Variants in IMMP2L observed in about 807,000 individuals in gnomAD.
IMMP2L encodes mitochondrial inner membrane protease subunit 2.
IMMP2L carries 18 observed loss-of-function variants against 19.3 expected under a neutral mutation model. That is an observed-to-expected ratio of 0.93 (90% CI 0.64 to 1.38). IMMP2L has a LOEUF of 1.38. IMMP2L is among the 40% of genes most tolerant of loss of function. The pLI, the probability that IMMP2L is intolerant of heterozygous loss-of-function variation, is 0.00. For synonymous variants in IMMP2L, 76 were observed against 73.0 expected (o/e 1.04, Z -0.21); for missense variants, 233 against 218.2 (o/e 1.07, Z -0.43).
At chr7:111,298,322 T>C (rs1048625604) in intron 3 of IMMP2L, among the ~76,000 whole-genome samples, 2 of 152,182 alleles carry the variant, frequency 1.3e-5, no homozygotes, top group African/African-American at 4.8e-5. Flanking sequence ...TACTTAATCT[T>C]TCTGTGCCAA....
At chr7:110,853,637 CTT>C (rs1019942397) in intron 5 of IMMP2L, among the ~76,000 whole-genome samples, 1 of 151,948 alleles carries the variant, frequency 6.6e-6, no homozygotes, top group Non-Finnish European at 1.5e-5. Flanking sequence ...GATAATGCCT[CTT>C]GTTATTATTT....
chr7:110,909,511 G>A (rs753969068), intron 4 of IMMP2L, among the ~76,000 whole-genome samples: 33 of 152,096 alleles, frequency 2.2e-4, no homozygotes, highest in Non-Finnish European at 3.5e-4. Context: ...GCACGAGAAC[G>A]GTGCTGTGAG....
intron 3 of IMMP2L, among the ~76,000 whole-genome samples, chr7:111,287,689 C>T (rs1359114950): frequency 1.3e-5 from 2 of 152,028 alleles, no homozygotes; most frequent in Non-Finnish European, 1.5e-5. Context: ...CATTCTGATT[C>T]GGGCCCAGAG....
chr7:111,196,361 T>G (rs1418564159), intron 3 of IMMP2L, among the ~76,000 whole-genome samples: 1 of 151,904 alleles, frequency 6.6e-6, no homozygotes, highest in African/African-American at 2.4e-5. Flanking sequence ...AATCAAACGA[T>G]AAAAATCAAA....
chr7:111,046,594 A>G (rs1304004390), intron 3 of IMMP2L, among the ~76,000 whole-genome samples: 1 of 152,198 alleles, frequency 6.6e-6, no homozygotes, highest in Non-Finnish European at 1.5e-5. Flanking sequence ...CAGATTACAG[A>G]AGACTATTAA....
At chr7:110,672,720 G>A (rs769418968) in intron 5 of IMMP2L, among the ~76,000 whole-genome samples, 1 of 152,164 alleles carries the variant, frequency 6.6e-6, no homozygotes, top group East Asian at 1.9e-4. Flanking sequence ...ATCCAGTAGG[G>A]TAGTCATTAA....
At chr7:111,402,470 G>T (rs1276430335) in intron 3 of IMMP2L, among the ~76,000 whole-genome samples, 1 of 152,006 alleles carries the variant, frequency 6.6e-6, no homozygotes, top group Admixed American at 6.6e-5. Context: ...CAGCACTTTG[G>T]GAGGCTGAGG....
chr7:110,905,367 A>C (rs1335690509), intron 4 of IMMP2L, among the ~76,000 whole-genome samples: 1 of 152,206 alleles, frequency 6.6e-6, no homozygotes. Context: ...CCTTAAAATT[A>C]GATTTTTGAA....
intron 3 of IMMP2L, among the ~76,000 whole-genome samples, chr7:111,324,835 C>T (rs1450495232): frequency 6.6e-6 from 1 of 151,562 alleles, no homozygotes; most frequent in Non-Finnish European, 1.5e-5. Context: ...AATAACACAC[C>T]AAAGATTTTT....
intron 3 of IMMP2L, among the ~76,000 whole-genome samples, chr7:111,105,230 T>C (rs1258079077): frequency 6.6e-6 from 1 of 151,914 alleles, no homozygotes; most frequent in African/African-American, 2.4e-5. Context: ...CTTATGTCAA[T>C]AGGCTGAAAA....
At chr7:111,541,134 T>C (rs1848474998) in intron 1 of IMMP2L, among the ~76,000 whole-genome samples, 1 of 152,194 alleles carries the variant, frequency 6.6e-6, no homozygotes, top group Non-Finnish European at 1.5e-5. Flanking sequence ...TCTATGATTC[T>C]AACTTCAGGC....
At chr7:111,311,743 A>G (rs763832656) in intron 3 of IMMP2L, among the ~76,000 whole-genome samples, 4 of 152,100 alleles carry the variant, frequency 2.6e-5, no homozygotes, top group African/African-American at 4.8e-5. Flanking sequence ...TCTGTACCCT[A>G]GAGTCTGTAT....
intron 3 of IMMP2L, among the ~76,000 whole-genome samples, chr7:111,117,545 T>C (rs1338718028): frequency 6.6e-6 from 1 of 152,126 alleles, no homozygotes; most frequent in Non-Finnish European, 1.5e-5. Flanking sequence ...AGTTGTCATA[T>C]AAATTCAAAT....
chr7:111,318,372 C>T (rs1011402997), intron 3 of IMMP2L, among the ~76,000 whole-genome samples: 2 of 152,048 alleles, frequency 1.3e-5, no homozygotes, highest in Admixed American at 1.3e-4. Flanking sequence ...AGTTCAAGGG[C>T]TGGTGGTGAA....
intron 3 of IMMP2L, among the ~76,000 whole-genome samples, chr7:111,046,244 C>T (rs1033222838): frequency 1.3e-5 from 2 of 151,222 alleles, no homozygotes; most frequent in Admixed American, 6.6e-5. Context: ...GTAGACTTAC[C>T]ACAGTAAAAG....
chr7:110,883,094 C>T (rs781669378), intron 5 of IMMP2L, among the ~76,000 whole-genome samples: 3 of 151,994 alleles, frequency 2.0e-5, no homozygotes, highest in Admixed American at 6.6e-5. Context: ...TTTTTTTGCG[C>T]TTTATAAACT....
Position 110,992,354 on chromosome 7 carries a change from A to G in IMMP2L, c.240-28789T>C, listed in dbSNP as rs567989386. 4.3e-4 allele frequency among the ~76,000 whole-genome samples: 65 copies of G among 152,188 alleles called. 1 individual carries two copies. Among genetic ancestry groups the G allele is most frequent in the Middle Eastern group, 3.4e-3 (1 of 294 alleles). On this transcript the variant is annotated intron_variant, in intron 3 of 5. Transcript: ENST00000405709. The stretch of plus-strand genomic sequence containing the variant: ...TTTAACATTAAATAACATGCTAAAT[A>G]ACTAGATTTGCATAACATAACTAGA...
intron 3 of IMMP2L, among the ~76,000 whole-genome samples, chr7:111,290,214 C>G (rs1444854864): frequency 1.3e-5 from 2 of 152,102 alleles, no homozygotes; most frequent in African/African-American, 4.8e-5. Flanking sequence ...TATTGATCCA[C>G]CATTAGGTAT....
intron 5 of IMMP2L, among the ~76,000 whole-genome samples, chr7:110,825,954 T>C (rs554270041): frequency 8.5e-5 from 13 of 152,286 alleles, no homozygotes; most frequent in African/African-American, 2.6e-4. Context: ...AAAGGGCTTA[T>C]ATCCAGAATC....
Sources: allele counts gnomAD v4.1 joint callset (sites outside exome capture counted in the v4.1 genomes callset), GRCh38; gene constraint gnomAD v4.1.1; transcripts MANE v1.5; gene names NCBI Gene and HGNC (gene_info 2026-07-23, HGNC 2026-07-21).